ARHGEF11: variants seen among roughly 807,000 people sequenced by gnomAD.
ARHGEF11 encodes the protein Rho guanine nucleotide exchange factor 11.
Under a neutral mutation model 193.7 loss-of-function variants are expected in ARHGEF11, and 55 were observed. The ratio of observed to expected loss-of-function variants is 0.28; its 90% CI spans 0.23 to 0.36. ARHGEF11 has a LOEUF of 0.36. ARHGEF11 is among the 10% of genes least tolerant of loss of function. The pLI, the probability that ARHGEF11 is intolerant of heterozygous loss-of-function variation, is 1.00. For synonymous variants in ARHGEF11, 693 were observed against 768.0 expected (o/e 0.90, Z 1.62); for missense variants, 1,723 against 2,005.6 (o/e 0.86, Z 2.69).
Position 156,961,886 on chromosome 1 carries a change from G to A in ARHGEF11, c.1141-111C>T, listed in dbSNP as rs973824964. On this transcript the variant is annotated intron_variant, in intron 13 of 40. Coordinates refer to ENST00000368194, the MANE Select transcript of ARHGEF11 (RefSeq NM_198236.3). Reference sequence around the variant, plus strand: ...GACATTTTTAGTTGTTACAACTACTGGGCAAGTGCGGTGCTACTGGCATCT... The same window carrying A: ...GACATTTTTAGTTGTTACAACTACTAGGCAAGTGCGGTGCTACTGGCATCT... The A allele has an allele frequency of 4.9e-5, 42 of 852,086 alleles. No individual in the cohort carries two copies. In the Admixed American group the frequency reaches 8.2e-4, roughly 17 times the overall value. 52.8% of individuals were successfully genotyped at this position (852,086 alleles called of 1,614,324 possible).
At chr1:156,971,610 A>G in intron 8 of ARHGEF11, 87 bp downstream of exon 8, 1 of 1,506,530 alleles carries the variant, frequency 6.6e-7, no homozygotes, top group Non-Finnish European at 9.0e-7. Context: ...GCATAACCCA[A>G]GAAGCCTTCT....
At chr1:156,971,927 G>A in intron 7 of ARHGEF11, 111 bp from the exon 8 acceptor site, 1 of 1,337,972 alleles carries the variant, frequency 7.5e-7, no homozygotes, top group Non-Finnish European at 1.0e-6. Context: ...AAACAAAGAT[G>A]AGAGAGAAGA....
rs201406921 is a variant in ARHGEF11 at position 156,978,377 on chromosome 1, C to T, written c.337G>A (p.Ala113Thr). Residue 113 changes from alanine (A) to threonine (T), a missense_variant, in exon 6 of 41, where the codon GCC becomes ACC. Coordinates refer to ENST00000368194, the MANE Select transcript of ARHGEF11 (RefSeq NM_198236.3). ...LEVVKLIKSG[A>T]YVALTLLGSS... Reference sequence around the variant, plus strand: ...CCCAGGAGGGTGAGTGCGACATAGGCGCCAGCTAGAGGGAAACAGAGAGAG... The same window carrying T: ...CCCAGGAGGGTGAGTGCGACATAGGTGCCAGCTAGAGGGAAACAGAGAGAG... 5.0e-5 allele frequency: 79 copies of T among 1,595,726 alleles called. No homozygotes were observed. Among genetic ancestry groups the T allele is most frequent in the East Asian group, 6.7e-5 (3 of 44,742 alleles).
chr1:156,943,019 A>G (rs149103693), intron 32 of ARHGEF11, among the ~76,000 whole-genome samples: 10 of 152,042 alleles, frequency 6.6e-5, no homozygotes, highest in East Asian at 3.9e-4. Flanking sequence ...TCCTGCTCTA[A>G]TAACAGTGAT....
intron 1 of ARHGEF11, among the ~76,000 whole-genome samples, chr1:157,030,451 T>C (rs537250169): frequency 6.6e-6 from 1 of 152,156 alleles, no homozygotes; most frequent in South Asian, 2.1e-4. Flanking sequence ...AAACCTCAGG[T>C]CCTAAAGGGG....
chr1:156,951,556 C>T lies in ARHGEF11; in HGVS notation c.1925+17G>A, dbSNP rs1176380299. The T allele has an allele frequency of 6.2e-7, 1 of 1,613,462 alleles. No homozygotes were observed. The highest frequency in any genetic ancestry group is 2.2e-5 in the East Asian group (1 of 44,876). ...CACTCTTCGAGCAGCTGGCGAGTCC[C>T]ATCCAGCCAGTGCTACCTGTCACTC... On this transcript the variant is annotated intron_variant, in intron 22 of 40. Coordinates refer to ENST00000368194, the MANE Select transcript of ARHGEF11 (RefSeq NM_198236.3).
intron 14 of ARHGEF11, among the ~76,000 whole-genome samples, chr1:156,960,843 T>A (rs762311419): frequency 7.2e-4 from 109 of 152,168 alleles, no homozygotes; most frequent in Non-Finnish European, 6.2e-4. Flanking sequence ...CTCACTCCCA[T>A]GGGAAAGCTA....
intron 6 of ARHGEF11, 31 bp downstream of exon 6, chr1:156,978,173 G>A: frequency 1.2e-6 from 2 of 1,613,760 alleles, no homozygotes; most frequent in Non-Finnish European, 1.7e-6. Context: ...AGGACATTAG[G>A]GTGAGGAAAG....
At chr1:156,936,485 A>AAAAAAAATAAAAAAAAAAAAAT (rs1557806597) in intron 40 of ARHGEF11, among the ~76,000 whole-genome samples, 4 of 75,410 alleles carry the variant, frequency 5.3e-5, no homozygotes, top group African/African-American at 2.5e-4. Flanking sequence ...AAATAGAAAA[A>AAAAAAAATAAAAAAAAAAAAAT]AAAAAAAAAA....
At chr1:156,947,194 G>A in intron 26 of ARHGEF11, 110 bp downstream of exon 26, 2 of 1,489,110 alleles carry the variant, frequency 1.3e-6, no homozygotes, top group Non-Finnish European at 1.8e-6. Context: ...TTTCTCACCA[G>A]GGATTGGTGG....
chr1:156,985,079 T>C (rs998930305), intron 2 of ARHGEF11, among the ~76,000 whole-genome samples: 1 of 152,096 alleles, frequency 6.6e-6, no homozygotes, highest in Non-Finnish European at 1.5e-5. Flanking sequence ...CACTACCAAA[T>C]GTCTCCATTC....
At chr1:156,976,804 T>C (rs1663326045) in intron 7 of ARHGEF11, among the ~76,000 whole-genome samples, 179 bp downstream of exon 7, 1 of 152,276 alleles carries the variant, frequency 6.6e-6, no homozygotes, top group Non-Finnish European at 1.5e-5. Flanking sequence ...GGTGAAATTC[T>C]GCTTTAACAA....
chr1:157,041,574 C>T (rs1672753682), intron 1 of ARHGEF11, among the ~76,000 whole-genome samples: 1 of 152,114 alleles, frequency 6.6e-6, no homozygotes, highest in African/African-American at 2.4e-5. Flanking sequence ...CCTAGGAAAC[C>T]TTCTCTAATT....
At chr1:157,033,320 C>A (rs1428395107) in intron 1 of ARHGEF11, among the ~76,000 whole-genome samples, 3 of 152,106 alleles carry the variant, frequency 2.0e-5, no homozygotes. Flanking sequence ...CCTTGCCCCA[C>A]ACTCTCCTTC....
chr1:157,044,561 GAAAAGAAAAGAA>G lies in ARHGEF11; in HGVS notation c.-243_-232del, dbSNP rs1315148574. On this transcript the variant is annotated 5_prime_UTR_variant, in exon 1 of 41. Coordinates refer to ENST00000368194, the MANE Select transcript of ARHGEF11 (RefSeq NM_198236.3). ...TCCCCTCCCCCGCTTTAAAAAAAAA[GAAAAGAAAAGAA>G]AAAAGAAAAAAAAAGGAAAAGAGGA... 2.5e-5 allele frequency: 10 copies of G among 400,500 alleles called. No homozygotes were observed. The highest frequency in any genetic ancestry group is 4.4e-5 in the Non-Finnish European group (10 of 229,548). 24.8% of individuals were successfully genotyped at this position (400,500 alleles called of 1,614,324 possible).
intron 1 of ARHGEF11, among the ~76,000 whole-genome samples, chr1:157,032,803 A>G (rs1054206155): frequency 6.6e-6 from 1 of 152,184 alleles, no homozygotes; most frequent in South Asian, 2.1e-4. Flanking sequence ...TACTAAGTCC[A>G]GGCATTTCTC....
At chr1:156,955,675 C>T in intron 20 of ARHGEF11, 28 bp downstream of exon 20, 1 of 1,573,954 alleles carries the variant, frequency 6.4e-7, no homozygotes, top group African/African-American at 1.3e-5. Context: ...CAAGGAATGC[C>T]CAAGGCTGTT....
At chr1:156,996,772 CAAAA>C (rs66730438) in intron 1 of ARHGEF11, among the ~76,000 whole-genome samples, 1 of 38,642 alleles carries the variant, frequency 2.6e-5, no homozygotes, top group Admixed American at 4.1e-4. Flanking sequence ...GACTCTGTCT[CAAAA>C]AAAAAAAAAA....
chr1:156,963,909 A>G, intron 11 of ARHGEF11: 1 of 487,264 alleles, frequency 2.1e-6, no homozygotes. Flanking sequence ...AGTCAACAAA[A>G]TAAGAGCCAA....
Sources: allele counts gnomAD v4.1 joint callset (sites outside exome capture counted in the v4.1 genomes callset), GRCh38; gene constraint gnomAD v4.1.1; transcripts MANE v1.5; gene names NCBI Gene and HGNC (gene_info 2026-07-23, HGNC 2026-07-21).